The following EVI5 variants were observed in gnomAD, a reference collection of about 807,000 sequenced individuals.
The protein encoded by EVI5 is ecotropic viral integration site 5 protein homolog.
In EVI5, 73 loss-of-function variants were observed where a neutral mutation model predicts 112.0. The observed-to-expected ratio is 0.65, with a 90% CI of 0.54 to 0.79. The LOEUF (loss-of-function observed/expected upper bound fraction) is 0.79, where lower values mean the gene tolerates loss of function less well. Among genes scored for constraint, EVI5 ranks in the 30% least tolerant of loss-of-function variants. The pLI, the probability that EVI5 is intolerant of heterozygous loss-of-function variation, is 0.00. For synonymous variants in EVI5, 305 were observed against 319.9 expected, an observed-to-expected ratio of 0.95 and a Z score of 0.50; for missense variants, 900 against 968.8, an observed-to-expected ratio of 0.93 and a Z score of 0.94.
intron 14 of EVI5, among the ~76,000 whole-genome samples, chr1:92,628,429 A>C (rs1159259590): frequency 6.6e-6 from 1 of 152,184 alleles, no homozygotes; most frequent in Non-Finnish European, 1.5e-5. Context: ...GGTTTTTCCA[A>C]TGTTATCTTC....
intron 10 of EVI5, among the ~76,000 whole-genome samples, chr1:92,676,023 TAA>T (rs1403678436): frequency 6.9e-5 from 9 of 131,098 alleles, no homozygotes; most frequent in Admixed American, 2.3e-4. Context: ...GTGACAGAAT[TAA>T]AAAAAAAAAA....
chr1:92,557,928 G>A (rs1483576028), intron 19 of EVI5, among the ~76,000 whole-genome samples: 3 of 149,808 alleles, frequency 2.0e-5, no homozygotes, highest in African/African-American at 7.3e-5. Context: ...TGTAGAGACA[G>A]GGTTTCTCCA....
chr1:92,686,904 G>A (rs1008419060), intron 9 of EVI5, among the ~76,000 whole-genome samples: 7 of 152,078 alleles, frequency 4.6e-5, no homozygotes, highest in African/African-American at 1.4e-4. Flanking sequence ...ACAAACAAAC[G>A]GAAGAACATT....
intron 1 of EVI5, among the ~76,000 whole-genome samples, chr1:92,761,014 C>T (rs531424253): frequency 1.6e-4 from 24 of 145,984 alleles, no homozygotes; most frequent in Admixed American, 1.5e-3. Flanking sequence ...GCCGAGATAG[C>T]GCCACTGCAC....
intron 8 of EVI5, 68 bp from the exon 9 acceptor site, chr1:92,693,967 T>C: frequency 1.0e-6 from 1 of 994,882 alleles, no homozygotes. Flanking sequence ...CCAAAGACAT[T>C]CAAGAAATTA....
At position 92,669,760 on chromosome 1, in the gene EVI5, C is replaced by T. The variant is rs12037940; in HGVS notation, c.1159-3768G>A. 3.0e-4 allele frequency among the ~76,000 whole-genome samples: 46 copies of T among 151,774 alleles called. No individual in the cohort carries two copies. The East Asian group carries it at 7.5e-3, about 25-fold the overall frequency. On this transcript the variant is annotated intron_variant, in intron 10 of 19. Transcript: ENST00000684568. ...AGTATATTTTTGAACTGTTTATTGACGATACATAGAAAGGTTAATAACTAA... is the reference window on the plus strand; with the variant it reads ...AGTATATTTTTGAACTGTTTATTGATGATACATAGAAAGGTTAATAACTAA...
At chr1:92,692,887 GCTAA>G (rs1389389920) in intron 9 of EVI5, among the ~76,000 whole-genome samples, 2 of 152,188 alleles carry the variant, frequency 1.3e-5, no homozygotes, top group Non-Finnish European at 2.9e-5. Flanking sequence ...TATCAGAAAT[GCTAA>G]CTATGACCGC....
intron 16 of EVI5, among the ~76,000 whole-genome samples, chr1:92,622,885 TCTAA>T (rs1233126216): frequency 6.6e-5 from 10 of 152,154 alleles, no homozygotes; most frequent in African/African-American, 2.4e-4. Context: ...GCAATTCCTA[TCTAA>T]CTCTCTACTT....
intron 6 of EVI5, 78 bp from the exon 7 acceptor site, chr1:92,695,531 C>T (rs1401195912): frequency 1.1e-6 from 1 of 923,486 alleles, no homozygotes; most frequent in African/African-American, 1.7e-5. Context: ...ACTAGATTAG[C>T]CTATACCAAA....
chr1:92,695,910 T>C (rs1236489252), intron 6 of EVI5, among the ~76,000 whole-genome samples: 1 of 151,954 alleles, frequency 6.6e-6, no homozygotes, highest in Non-Finnish European at 1.5e-5. Flanking sequence ...TCAGCAACTC[T>C]AGTAATTCAA....
At chr1:92,572,702 A>G (rs1670491523) in intron 18 of EVI5, among the ~76,000 whole-genome samples, 1 of 151,082 alleles carries the variant, frequency 6.6e-6, no homozygotes, top group Non-Finnish European at 1.5e-5. Context: ...GGTCAAGTCT[A>G]AACCAAACAG....
chr1:92,657,594 T>C (rs544841823), intron 13 of EVI5, among the ~76,000 whole-genome samples: 3 of 152,056 alleles, frequency 2.0e-5, no homozygotes, highest in Admixed American at 2.0e-4. Flanking sequence ...ACCTGGGAGG[T>C]TGAGGCTGCA....
rs576922131 is a variant in EVI5 at position 92,756,829 on chromosome 1, C to T, written c.-81-20202G>A. 427 of 512,408 alleles carry T rather than the reference C, an allele frequency of 8.3e-4. 5 individuals carry two copies. The highest frequency in any genetic ancestry group is 6.1e-3 in the South Asian group (418 of 68,786). The allele number at this position is 512,408 out of a possible 1,614,324, so 31.7% of individuals were successfully genotyped here. A position where few individuals can be genotyped will look rare whatever the true frequency, so the allele number is the denominator to read the frequency against. On this transcript the variant is annotated intron_variant, in intron 1 of 19. Transcript: ENST00000684568. ...TAGTGTTCAGGGCCTTGGGCACATG[C>T]GCACTGGTATTGGGCTGTCCCTCAC...
At chr1:92,788,801 A>G (rs937057736), upstream of EVI5, among the ~76,000 whole-genome samples, 6 of 152,174 alleles carry the variant, frequency 3.9e-5, no homozygotes, top group African/African-American at 9.7e-5. Context: ...CTCAACAGCA[A>G]CAACAACAAC....
intron 13 of EVI5, among the ~76,000 whole-genome samples, chr1:92,649,656 A>T (rs1661722050): frequency 6.6e-6 from 1 of 152,180 alleles, no homozygotes; most frequent in South Asian, 2.1e-4. Flanking sequence ...CTATTAAAAA[A>T]TATGGAAATT....
intron 18 of EVI5, among the ~76,000 whole-genome samples, chr1:92,604,582 A>G (rs191437544): frequency 3.3e-5 from 5 of 152,340 alleles, no homozygotes; most frequent in Admixed American, 1.3e-4. Flanking sequence ...CTTGTTTTGT[A>G]TAAGTAGAAT....
At chr1:92,660,827 G>A (rs1412923968) in intron 13 of EVI5, among the ~76,000 whole-genome samples, 1 of 151,938 alleles carries the variant, frequency 6.6e-6, no homozygotes, top group African/African-American at 2.4e-5. Context: ...GAACCATAAA[G>A]GGAATGATAG....
chr1:92,592,443 C>A (rs1359747714), intron 18 of EVI5, among the ~76,000 whole-genome samples: 1 of 152,120 alleles, frequency 6.6e-6, no homozygotes, highest in African/African-American at 2.4e-5. Context: ...AAATTTATAG[C>A]CTTAAATGCC....
Position 92,634,622 on chromosome 1 carries a change from G to A in EVI5, c.1527+1580C>T, listed in dbSNP as rs564486961. On this transcript the variant is annotated intron_variant, in intron 14 of 19. Transcript: ENST00000684568. ...TCTTTAACTTCTTTGCCATGGGTTC[G>A]AACTTCCTCCTTTAGCTCGGAGTAG... 1.1e-4 allele frequency among the ~76,000 whole-genome samples: 17 copies of A among 152,234 alleles called. 1 individual carries two copies. The South Asian group carries it at 3.3e-3, about 30-fold the overall frequency.
Sources: allele counts gnomAD v4.1 joint callset (sites outside exome capture counted in the v4.1 genomes callset), GRCh38; gene constraint gnomAD v4.1.1; transcripts MANE v1.5; gene names NCBI Gene and HGNC (gene_info 2026-07-23, HGNC 2026-07-21).